HDAC4: variants seen among roughly 807,000 people sequenced by gnomAD.
HDAC4 encodes the protein histone deacetylase A.
In HDAC4, 16 loss-of-function variants were observed where a neutral mutation model predicts 135.1. The ratio of observed to expected loss-of-function variants is 0.12; its 90% CI spans 0.08 to 0.18. HDAC4 has a LOEUF of 0.18. Ranked by LOEUF, HDAC4 falls within the 10% of genes least tolerant of loss-of-function variation. The pLI, the probability that HDAC4 is intolerant of heterozygous loss-of-function variation, is 1.00. For missense variants in HDAC4, 1,143 were observed against 1,511.8 expected (o/e 0.76, Z 4.05); for synonymous variants, 685 against 653.4 (o/e 1.05, Z -0.74).
intron 24 of HDAC4, among the ~76,000 whole-genome samples, chr2:239,062,108 G>A (rs2032832582): frequency 6.6e-6 from 1 of 152,376 alleles, no homozygotes; most frequent in African/African-American, 2.4e-5. Flanking sequence ...TGCAACACTC[G>A]TAGGGAACTT....
rs983135396 is a variant in HDAC4, at chr2:239,048,424, G to A, written c.*4673C>T. On this transcript the variant is annotated 3_prime_UTR_variant, in exon 27 of 27. Transcript: ENST00000543185. ...AAGAGAAACGGATTAAATTACAGAG[G>A]TGAATGGTGGCCACGGCCAGTGCGC... 6.6e-6 allele frequency: 1 copy of A among 152,216 alleles called. No individual in the cohort carries two copies. The highest frequency in any genetic ancestry group is 1.5e-5 in the Non-Finnish European group (1 of 68,050). The allele number at this position is 152,216 out of a possible 1,614,324, so 9.4% of individuals were successfully genotyped here.
At chr2:239,360,672 C>T (rs1354275833) in intron 1 of HDAC4, among the ~76,000 whole-genome samples, 3 of 151,556 alleles carry the variant, frequency 2.0e-5, no homozygotes, top group Non-Finnish European at 3.0e-5. Context: ...GGAAAGAGTA[C>T]TAGACAGGGA....
At chr2:239,152,715 C>T (rs2042190632) in intron 7 of HDAC4, among the ~76,000 whole-genome samples, 1 of 152,174 alleles carries the variant, frequency 6.6e-6, no homozygotes, top group South Asian at 2.1e-4. Context: ...TGTGGTCCTT[C>T]TCTAAGTGGA....
intron 24 of HDAC4, among the ~76,000 whole-genome samples, chr2:239,066,149 G>A (rs2033451447): frequency 6.6e-6 from 1 of 152,126 alleles, no homozygotes; most frequent in South Asian, 2.1e-4. Context: ...CGAGCCCGTG[G>A]AACATTCTTT....
At chr2:239,230,108 G>A (rs2047454834) in intron 3 of HDAC4, among the ~76,000 whole-genome samples, 2 of 152,104 alleles carry the variant, frequency 1.3e-5, no homozygotes, top group African/African-American at 4.8e-5. Context: ...TGAGATCGCT[G>A]TTTTGATGTT....
chr2:239,380,836 T>A (rs1575783221), intron 1 of HDAC4, among the ~76,000 whole-genome samples: 1 of 152,222 alleles, frequency 6.6e-6, no homozygotes, highest in East Asian at 1.9e-4. Flanking sequence ...TGCCTACCGA[T>A]CTCCACTCGG....
intron 2 of HDAC4, among the ~76,000 whole-genome samples, chr2:239,253,343 C>G (rs1452197378): frequency 6.6e-6 from 1 of 152,200 alleles, no homozygotes; most frequent in Non-Finnish European, 1.5e-5. Context: ...TGAATTAAAA[C>G]GAACACCCCT....
intron 18 of HDAC4, among the ~76,000 whole-genome samples, chr2:239,088,568 C>T (rs958642323): frequency 1.3e-5 from 2 of 152,216 alleles, no homozygotes; most frequent in Non-Finnish European, 2.9e-5. Flanking sequence ...CTGACACCTG[C>T]GCCGATGGTG....
At position 239,156,747 on chromosome 2, in the gene HDAC4, T is replaced by C; in HGVS notation, c.638A>G (p.Gln213Arg). ...CACTCCGCTCTGGGGTGGAGAACTC[T>C]GGTCAAGGGAACTGTGCTGCGTTTT... ...YGKTQHSSLD[Q>R]SSPPQSGVST... The change falls in exon 7 of 27, where the codon CAG becomes CGG. Residue 213 changes from glutamine (Q) to arginine (R), a missense_variant. Physicochemically the swap from Gln to Arg is conservative, Grantham distance 43. Around this residue, in one of 9 missense-constraint regions of HDAC4, gnomAD observed 247 missense variants for 310.0 expected, o/e 0.80. Transcript: ENST00000543185. 6.2e-7 allele frequency: 1 copy of C among 1,614,126 alleles called. No individual in the cohort carries two copies. The highest frequency in any genetic ancestry group is 8.5e-7 in the Non-Finnish European group (1 of 1,180,026).
intron 2 of HDAC4, among the ~76,000 whole-genome samples, chr2:239,258,797 G>A (rs1009492575): frequency 6.6e-6 from 1 of 152,164 alleles, no homozygotes; most frequent in Non-Finnish European, 1.5e-5. Context: ...ATGGCAGATG[G>A]GCACACAAAC....
chr2:239,053,558 C>T lies in HDAC4; in HGVS notation c.3132G>A (p.Gly1044=), dbSNP rs1056969628. ...RCLQRTTSTA[G]RSLIEAQTCE... is the part of the protein sequence containing the mutation. ...AAGTCTGAGCCTCGATCAGAGAACG[C>T]CCCGCTGTGGAGGTTGTGCGCTGCA... Residue 1044 remains glycine (G), a synonymous_variant, in exon 26 of 27, where the codon GGG becomes GGA. Transcript: ENST00000543185. The T allele has an allele frequency of 5.0e-6, 8 of 1,613,958 alleles. No individual in the cohort carries two copies. The highest frequency in any genetic ancestry group is 2.2e-5 in the South Asian group (2 of 91,080).
At chr2:239,211,687 C>T (rs2046360459) in intron 3 of HDAC4, among the ~76,000 whole-genome samples, 1 of 152,200 alleles carries the variant, frequency 6.6e-6, no homozygotes. Context: ...GCAGACACAC[C>T]TTTAAATCCC....
chr2:239,062,788 G>A (rs1215839647), intron 24 of HDAC4, among the ~76,000 whole-genome samples: 1 of 152,206 alleles, frequency 6.6e-6, no homozygotes, highest in African/African-American at 2.4e-5. Flanking sequence ...CCCGCTGCAG[G>A]GATGCCACCT....
chr2:239,200,163 CTGGCGTTTT>C, intron 3 of HDAC4, among the ~76,000 whole-genome samples: 1 of 152,328 alleles, frequency 6.6e-6, no homozygotes, highest in African/African-American at 2.4e-5. Context: ...TCGATCTTTA[CTGGCGTTTT>C]TGTGAATTTC....
chr2:239,082,286 G>GCCGT (rs2035415393), intron 20 of HDAC4, 65 bp from the exon 21 acceptor site: 2 of 1,605,686 alleles, frequency 1.2e-6, no homozygotes, highest in African/African-American at 2.7e-5. Context: ...TCCCCTGAGG[G>GCCGT]CCGTCCCCAA....
intron 2 of HDAC4, among the ~76,000 whole-genome samples, chr2:239,258,075 A>G (rs2049146389): frequency 6.6e-6 from 1 of 152,204 alleles, no homozygotes; most frequent in South Asian, 2.1e-4. Flanking sequence ...GATGATTTCT[A>G]TGTTTAAGAA....
chr2:239,165,525 C>A (rs1001149353), intron 5 of HDAC4, among the ~76,000 whole-genome samples: 1 of 152,048 alleles, frequency 6.6e-6, no homozygotes, highest in South Asian at 2.1e-4. Context: ...ACTGGAGTTG[C>A]GTGGGTTTCT....
At chr2:239,075,476 A>G (rs1409261247) in intron 22 of HDAC4, among the ~76,000 whole-genome samples, 2 of 152,164 alleles carry the variant, frequency 1.3e-5, no homozygotes, top group Non-Finnish European at 2.9e-5. Flanking sequence ...GGATCTTTAG[A>G]GAAGGTGGAC....
intron 2 of HDAC4, among the ~76,000 whole-genome samples, chr2:239,241,524 G>C (rs1233410735): frequency 6.6e-6 from 1 of 152,160 alleles, no homozygotes; most frequent in Admixed American, 6.5e-5. Context: ...TACAAATTCT[G>C]AACATTAATC....
Sources: allele counts gnomAD v4.1 joint callset (sites outside exome capture counted in the v4.1 genomes callset), GRCh38; gene constraint gnomAD v4.1.1; regional missense constraint gnomAD v4.1.1; transcripts MANE v1.5; gene names NCBI Gene and HGNC (gene_info 2026-07-23, HGNC 2026-07-21).